The following GSK3B variants were observed in gnomAD, a reference collection of about 807,000 sequenced individuals.
GSK3B encodes glycogen synthase kinase-3 beta.
A neutral mutation model predicts 56.4 loss-of-function variants in GSK3B; 15 were observed. That is an observed-to-expected ratio of 0.27 (90% confidence interval 0.18 to 0.41). The LOEUF (loss-of-function observed/expected upper bound fraction) is 0.41, where lower values mean the gene tolerates loss of function less well. Among genes scored for constraint, GSK3B ranks in the 10% least tolerant of loss-of-function variants. GSK3B has a pLI of 1.00. For missense variants in GSK3B, 300 were observed against 513.4 expected, an observed-to-expected ratio of 0.58 and a Z score of 4.02; for synonymous variants, 181 against 188.9, an observed-to-expected ratio of 0.96 and a Z score of 0.34.
chr3:119,924,192 C>T (rs1052939492), intron 3 of GSK3B, among the ~76,000 whole-genome samples: 1 of 152,158 alleles, frequency 6.6e-6, no homozygotes, highest in Non-Finnish European at 1.5e-5. Flanking sequence ...TCAACAACAC[C>T]AGTGGAGAAA....
intron 2 of GSK3B, among the ~76,000 whole-genome samples, chr3:119,959,391 C>A (rs897435555): frequency 2.0e-5 from 3 of 151,844 alleles, no homozygotes; most frequent in Admixed American, 1.3e-4. Flanking sequence ...TAAAATTTTT[C>A]ATCTCCTTTA....
intron 2 of GSK3B, among the ~76,000 whole-genome samples, chr3:119,952,211 G>A (rs2057163677): frequency 6.6e-6 from 1 of 152,118 alleles, no homozygotes; most frequent in African/African-American, 2.4e-5. Flanking sequence ...GAACCGGCCA[G>A]GCACGGTGGC....
chr3:119,875,397 GAATTT>G (rs2056299295), intron 8 of GSK3B, among the ~76,000 whole-genome samples: 2 of 151,676 alleles, frequency 1.3e-5, no homozygotes, highest in South Asian at 2.1e-4. Context: ...ATAACTAAAT[GAATTT>G]AATTGTATAT....
At chr3:119,989,978 T>C (rs1216569870) in intron 2 of GSK3B, among the ~76,000 whole-genome samples, 2 of 152,114 alleles carry the variant, frequency 1.3e-5, no homozygotes, top group African/African-American at 2.4e-5. Flanking sequence ...AGGGTCTGGA[T>C]TGACAGAGTA....
At chr3:120,076,705 A>T (rs961539042) in intron 1 of GSK3B, among the ~76,000 whole-genome samples, 1 of 150,176 alleles carries the variant, frequency 6.7e-6, no homozygotes, top group African/African-American at 2.4e-5. Flanking sequence ...TCCCAGCTAC[A>T]CGGGAGGCTG....
intron 2 of GSK3B, among the ~76,000 whole-genome samples, chr3:119,990,088 T>G (rs145282559): frequency 0.034 from 5,239 of 152,232 alleles, 329 homozygotes; most frequent in African/African-American, 0.12. Context: ...AAGGTCAGCA[T>G]GACCATAAAC....
At chr3:119,843,175 A>C (rs2055801679) in intron 10 of GSK3B, 80 bp downstream of exon 10, 4 of 806,168 alleles carry the variant, frequency 5.0e-6, no homozygotes, top group Non-Finnish European at 8.1e-6. Context: ...TCGGCCTCCC[A>C]AAGTGCTGGG....
At chr3:119,864,680 T>C (rs1001075404) in intron 8 of GSK3B, among the ~76,000 whole-genome samples, 1 of 152,244 alleles carries the variant, frequency 6.6e-6, no homozygotes, top group Non-Finnish European at 1.5e-5. Flanking sequence ...TAAGGTTTCC[T>C]CGTAAGAATG....
At chr3:119,991,066 C>G (rs568177311) in intron 2 of GSK3B, among the ~76,000 whole-genome samples, 2 of 152,254 alleles carry the variant, frequency 1.3e-5, no homozygotes, top group South Asian at 4.1e-4. Context: ...GACTTGAAAC[C>G]TATGACTCAC....
Position 119,876,398 on chromosome 3 carries a change from A to T in GSK3B, c.909+15T>A. 1 of 1,424,062 alleles carries T rather than the reference A, an allele frequency of 7.0e-7. No individual in the cohort carries two copies. The highest frequency in any genetic ancestry group is 9.9e-7 in the Non-Finnish European group (1 of 1,009,626). The allele number at this position is 1,424,062 out of a possible 1,614,324, so 88.2% of individuals were successfully genotyped here. A position where few individuals can be genotyped will look rare whatever the true frequency, so the allele number is the denominator to read the frequency against. ...TAACTACTGATTAATATACTTAAAA[A>T]AAAATCTAACTCACCTTAGTCCAAG... is the stretch of plus-strand genomic sequence containing the variant. On this transcript the variant is annotated intron_variant, in intron 8 of 10. Coordinates refer to ENST00000264235, the MANE Select transcript of GSK3B (RefSeq NM_001146156.2).
At chr3:119,961,974 C>CTA in intron 2 of GSK3B, among the ~76,000 whole-genome samples, 1 of 152,298 alleles carries the variant, frequency 6.6e-6, no homozygotes, top group Non-Finnish European at 1.5e-5. Flanking sequence ...CTATAATGTA[C>CTA]TACAGATGAG....
At chr3:119,946,825 C>G (rs1015019911) in intron 3 of GSK3B, among the ~76,000 whole-genome samples, 24 of 152,026 alleles carry the variant, frequency 1.6e-4, no homozygotes, top group African/African-American at 5.3e-4. Flanking sequence ...AAGGATGGCT[C>G]AACTTGCTTC....
At chr3:119,965,046 T>G (rs1201229361) in intron 2 of GSK3B, among the ~76,000 whole-genome samples, 1 of 149,458 alleles carries the variant, frequency 6.7e-6, no homozygotes, top group Admixed American at 6.6e-5. Flanking sequence ...TTCTTTTTTT[T>G]TTTTTTTTTT....
intron 2 of GSK3B, among the ~76,000 whole-genome samples, chr3:119,983,097 G>C (rs1205959811): frequency 6.6e-6 from 1 of 152,126 alleles, no homozygotes; most frequent in Non-Finnish European, 1.5e-5. Context: ...CTCATATCCA[G>C]CCAAACTAAG....
At chr3:119,943,963 G>A (rs570958733) in intron 3 of GSK3B, among the ~76,000 whole-genome samples, 1 of 151,668 alleles carries the variant, frequency 6.6e-6, no homozygotes, top group East Asian at 1.9e-4. Context: ...GAAAGGTGAA[G>A]ACTAAAGACA....
At chr3:119,996,511 A>G (rs1442287675) in intron 2 of GSK3B, among the ~76,000 whole-genome samples, 1 of 152,148 alleles carries the variant, frequency 6.6e-6, no homozygotes, top group Admixed American at 6.5e-5. Context: ...TAATACATGA[A>G]AAGTATTCAA....
chr3:120,056,445 T>C (rs2058191778), intron 1 of GSK3B, among the ~76,000 whole-genome samples: 1 of 152,200 alleles, frequency 6.6e-6, no homozygotes, highest in South Asian at 2.1e-4. Flanking sequence ...GTTCAAGTGA[T>C]TCTCCTGCCT....
At chr3:119,865,462 A>ATT (rs2056167966) in intron 8 of GSK3B, among the ~76,000 whole-genome samples, 19 of 27,122 alleles carry the variant, frequency 7.0e-4, no homozygotes, top group Non-Finnish European at 1.3e-3. Context: ...ATATATATAT[A>ATT]TATATTTTTT....
At chr3:119,953,548 C>CAG (rs986745678) in intron 2 of GSK3B, among the ~76,000 whole-genome samples, 5 of 152,128 alleles carry the variant, frequency 3.3e-5, no homozygotes, top group South Asian at 2.1e-4. Flanking sequence ...CAGAGACAGA[C>CAG]AGAGAGAGAG....
Sources: gnomAD v4.1 joint callset for allele counts (sites outside exome capture counted in the v4.1 genomes callset) on GRCh38, gnomAD v4.1.1 for gene constraint, MANE v1.5 for transcripts, NCBI Gene and HGNC (gene_info 2026-07-23, HGNC 2026-07-21) for gene names.